Variants in BORCS5 observed in about 807,000 individuals in gnomAD.
The protein encoded by BORCS5 is BLOC-1 related complex subunit 5.
A neutral mutation model predicts 22.1 loss-of-function variants in BORCS5; 17 were observed. The observed-to-expected ratio is 0.77, with a 90% CI of 0.53 to 1.15. The LOEUF (loss-of-function observed/expected upper bound fraction) is 1.15, where lower values mean the gene tolerates loss of function less well. Among genes scored for constraint, BORCS5 ranks in the 50% most tolerant of loss-of-function variants. BORCS5 has a pLI of 0.00. For synonymous variants in BORCS5, 117 were observed against 99.8 expected (o/e 1.17, Z -1.03); for missense variants, 247 against 253.2 (o/e 0.98, Z 0.17).
chr12:12,406,334 C>T (rs926218687), intron 2 of BORCS5, among the ~76,000 whole-genome samples: 1 of 152,174 alleles, frequency 6.6e-6, no homozygotes, highest in Non-Finnish European at 1.5e-5. Context: ...TGAAATTGAT[C>T]TTGTTCTTAG....
At chr12:12,404,085 G>A (rs146654804) in intron 2 of BORCS5, among the ~76,000 whole-genome samples, 2 of 152,146 alleles carry the variant, frequency 1.3e-5, no homozygotes, top group African/African-American at 2.4e-5. Flanking sequence ...TATGGGTGAC[G>A]TAAATTTACT....
At chr12:12,412,003 A>G (rs56796062) in intron 2 of BORCS5, among the ~76,000 whole-genome samples, 42,433 of 152,044 alleles carry the variant, frequency 0.28, 6,570 homozygotes, top group African/African-American at 0.43. Flanking sequence ...CTTTATGTCA[A>G]TGCTGCACTG....
intron 2 of BORCS5, among the ~76,000 whole-genome samples, chr12:12,369,791 C>T (rs1321401329): frequency 7.8e-6 from 1 of 127,638 alleles, no homozygotes; most frequent in Admixed American, 9.6e-5. Flanking sequence ...CTGGCACAAT[C>T]TCAGCTCACT....
intron 2 of BORCS5, among the ~76,000 whole-genome samples, chr12:12,372,210 C>G (rs890235886): frequency 1.3e-5 from 2 of 152,104 alleles, no homozygotes; most frequent in Non-Finnish European, 2.9e-5. Flanking sequence ...CAGCTAATTT[C>G]TGTACTTTTA....
At chr12:12,440,401 A>C (rs1272970489) in intron 3 of BORCS5, among the ~76,000 whole-genome samples, 1 of 152,162 alleles carries the variant, frequency 6.6e-6, no homozygotes, top group Non-Finnish European at 1.5e-5. Context: ...CCTAGTGGGG[A>C]GGTCCTTTGG....
At chr12:12,402,184 C>A (rs940484305) in intron 2 of BORCS5, among the ~76,000 whole-genome samples, 1 of 151,866 alleles carries the variant, frequency 6.6e-6, no homozygotes, top group African/African-American at 2.4e-5. Context: ...TACTGGAGTA[C>A]AAAATCTTGG....
chr12:12,388,870 C>CCCTTTGGTTAGACA (rs11268844), intron 2 of BORCS5, among the ~76,000 whole-genome samples: 77,565 of 150,468 alleles, frequency 0.52, 21,503 homozygotes, highest in African/African-American at 0.59. Flanking sequence ...GAGCATAACT[C>CCCTTTGGTTAGACA]CCTAAGCCAT....
At position 12,468,572 on chromosome 12, in the gene BORCS5, C is replaced by T. The variant is rs377442386; in HGVS notation, c.*2796C>T. 1.4e-4 allele frequency: 22 copies of T among 152,344 alleles called. No individual in the cohort carries two copies. The East Asian group carries it at 1.7e-3, about 12-fold the overall frequency. The allele number at this position is 152,344 out of a possible 1,614,324, so 9.4% of individuals were successfully genotyped here. On this transcript the variant is annotated 3_prime_UTR_variant, in exon 4 of 4. Coordinates refer to ENST00000314565, the MANE Select transcript of BORCS5 (RefSeq NM_058169.6). Reference sequence around the variant, plus strand: ...CTCTAAGATTCCAAGTCTGTGATTCCGATACATCTTGACTACAATGAGCGT... The same window carrying T: ...CTCTAAGATTCCAAGTCTGTGATTCTGATACATCTTGACTACAATGAGCGT...
chr12:12,421,767 G>A (rs1477896703), intron 2 of BORCS5, among the ~76,000 whole-genome samples: 1 of 152,102 alleles, frequency 6.6e-6, no homozygotes, highest in Non-Finnish European at 1.5e-5. Flanking sequence ...TCTTCTTCCT[G>A]GTTTAGTCTT....
At chr12:12,360,593 T>TA (rs1863259294) in intron 1 of BORCS5, among the ~76,000 whole-genome samples, 5 of 118,000 alleles carry the variant, frequency 4.2e-5, no homozygotes, top group South Asian at 2.9e-4. Context: ...TTTTTTTTTT[T>TA]AGAGATAGGG....
At chr12:12,462,811 C>T (rs1385093343) in intron 3 of BORCS5, among the ~76,000 whole-genome samples, 3 of 152,198 alleles carry the variant, frequency 2.0e-5, no homozygotes, top group African/African-American at 7.2e-5. Context: ...CGCACACTGC[C>T]ACGCCCGGCT....
intron 2 of BORCS5, among the ~76,000 whole-genome samples, chr12:12,404,991 G>A (rs1941560864): frequency 6.6e-6 from 1 of 152,142 alleles, no homozygotes; most frequent in Admixed American, 6.6e-5. Flanking sequence ...ATGAGCCACC[G>A]CGCCCGGCCA....
Position 12,465,764 on chromosome 12 carries a change from G to T in BORCS5, c.579G>T (p.Glu193Asp). The change falls in exon 4 of 4, where the codon GAG becomes GAT. Residue 193 changes from glutamate (E) to aspartate (D), a missense_variant. Transcript: ENST00000314565. ...LEPFSMKPDR[E>D]LRL Reference sequence around the variant, plus strand: ...CCTTCAGCATGAAGCCCGACCGCGAGCTCAGGCTGTAGCTGCTGCCCGGCC... The same window carrying T: ...CCTTCAGCATGAAGCCCGACCGCGATCTCAGGCTGTAGCTGCTGCCCGGCC... 1 of 1,612,532 alleles carries T rather than the reference G, an allele frequency of 6.2e-7. No homozygotes were observed. The highest frequency in any genetic ancestry group is 8.5e-7 in the Non-Finnish European group (1 of 1,179,670).
At chr12:12,413,783 C>G (rs1592101199) in intron 2 of BORCS5, among the ~76,000 whole-genome samples, 1 of 81,400 alleles carries the variant, frequency 1.2e-5, no homozygotes, top group Non-Finnish European at 2.5e-5. Flanking sequence ...GTAGGGGCGG[C>G]CGGGCAGAGG....
At chr12:12,412,900 C>CTTTTGTTTTTT (rs1941775458) in intron 2 of BORCS5, among the ~76,000 whole-genome samples, 1 of 74,176 alleles carries the variant, frequency 1.3e-5, no homozygotes, top group Non-Finnish European at 2.5e-5. Flanking sequence ...TTGTGGTTTT[C>CTTTTGTTTTTT]TTTTTTTTTT....
intron 2 of BORCS5, among the ~76,000 whole-genome samples, chr12:12,427,605 T>G (rs574821990): frequency 1.2e-4 from 18 of 152,346 alleles, no homozygotes; most frequent in Admixed American, 4.6e-4. Flanking sequence ...CGAAAATTTC[T>G]TATTGTTTTT....
intron 2 of BORCS5, among the ~76,000 whole-genome samples, chr12:12,423,974 G>T (rs1942211855): frequency 6.6e-6 from 1 of 152,228 alleles, no homozygotes. Context: ...ACAGGCGTGA[G>T]CCAGTGTGCC....
chr12:12,456,759 G>A (rs750100115), intron 3 of BORCS5, among the ~76,000 whole-genome samples: 39 of 151,974 alleles, frequency 2.6e-4, no homozygotes, highest in African/African-American at 8.7e-4. Flanking sequence ...CAGTTATTAC[G>A]TAGTGCGAAA....
At chr12:12,363,289 C>T (rs1352377161) in intron 2 of BORCS5, among the ~76,000 whole-genome samples, 2 of 150,388 alleles carry the variant, frequency 1.3e-5, no homozygotes, top group Non-Finnish European at 3.0e-5. Flanking sequence ...AGAGTGAGAT[C>T]CTGCCTCAAA....
Sources: allele counts gnomAD v4.1 joint callset (sites outside exome capture counted in the v4.1 genomes callset), GRCh38; gene constraint gnomAD v4.1.1; transcripts MANE v1.5; gene names NCBI Gene and HGNC (gene_info 2026-07-23, HGNC 2026-07-21).